Variants in REPS1 observed in about 807,000 individuals in gnomAD.
REPS1 encodes the protein ralBP1-associated Eps domain-containing protein 1.
In REPS1, 39 loss-of-function variants were observed where a neutral mutation model predicts 100.9. The observed-to-expected ratio is 0.39, with a 90% confidence interval of 0.30 to 0.50. REPS1 has a LOEUF of 0.50. Among genes scored for constraint, REPS1 ranks in the 20% least tolerant of loss-of-function variants. The probability of loss-of-function intolerance (pLI) is 0.86; values close to 1 mark genes in which losing one functional copy is unlikely to be tolerated. For synonymous variants in REPS1, 324 were observed against 340.3 expected (o/e 0.95, Z 0.53); for missense variants, 821 against 968.5 (o/e 0.85, Z 2.02).
At chr6:138,913,963 G>T (rs1339414653) in intron 15 of REPS1, among the ~76,000 whole-genome samples, 2 of 152,134 alleles carry the variant, frequency 1.3e-5, no homozygotes, top group East Asian at 3.8e-4. Flanking sequence ...TTTTATAAAT[G>T]TCTACTACAG....
At chr6:138,976,815 C>CTAATG in intron 1 of REPS1, among the ~76,000 whole-genome samples, 1 of 152,224 alleles carries the variant, frequency 6.6e-6, no homozygotes, top group African/African-American at 2.4e-5. Context: ...TAGCTTGATG[C>CTAATG]TAATGTAATG....
chr6:138,930,658 T>C (rs1038093816), intron 8 of REPS1, among the ~76,000 whole-genome samples: 7 of 152,164 alleles, frequency 4.6e-5, no homozygotes, highest in African/African-American at 1.4e-4. Context: ...CCTTGGAATA[T>C]ACTTTGGGAA....
intron 16 of REPS1, chr6:138,912,555 G>A (rs1780078335): frequency 1.7e-6 from 1 of 573,126 alleles, no homozygotes; most frequent in Non-Finnish European, 3.1e-6. Context: ...CTTTGCATGT[G>A]ATATCAATCC....
At chr6:138,947,962 C>G (rs1382705206) in intron 1 of REPS1, 49 bp from the exon 2 acceptor site, 1 of 1,510,654 alleles carries the variant, frequency 6.6e-7, no homozygotes, top group African/African-American at 1.4e-5. Context: ...AAAAATCTCC[C>G]TTCAAAAATA....
intron 19 of REPS1, among the ~76,000 whole-genome samples, chr6:138,905,586 C>T (rs1230985756): frequency 7.2e-5 from 11 of 151,928 alleles, no homozygotes; most frequent in South Asian, 4.1e-4. Context: ...CCACCGCGCC[C>T]GGCTGAAATG....
At chr6:138,907,270 G>T in intron 19 of REPS1, 1 of 341,368 alleles carries the variant, frequency 2.9e-6, no homozygotes, top group Non-Finnish European at 5.4e-6. Context: ...CAGGTTGCCA[G>T]GGTGATAGAG....
At chr6:138,986,453 A>T (rs568970745) in intron 1 of REPS1, among the ~76,000 whole-genome samples, 1 of 152,230 alleles carries the variant, frequency 6.6e-6, no homozygotes, top group South Asian at 2.1e-4. Flanking sequence ...CATTCTGTGG[A>T]TGAACATACT....
At chr6:138,987,452 A>C in intron 1 of REPS1, 78 bp downstream of exon 1, 1 of 1,346,400 alleles carries the variant, frequency 7.4e-7, no homozygotes, top group Non-Finnish European at 9.8e-7. Context: ...GGCCCCAAGG[A>C]ATCGGCGCCC....
intron 1 of REPS1, among the ~76,000 whole-genome samples, chr6:138,964,367 T>C (rs981793818): frequency 2.0e-5 from 3 of 152,180 alleles, no homozygotes; most frequent in African/African-American, 7.2e-5. Context: ...TGTTATGATG[T>C]TGACGTAATG....
intron 19 of REPS1, 89 bp from the exon 20 acceptor site, chr6:138,905,221 TA>T: frequency 1.3e-6 from 1 of 798,416 alleles, no homozygotes; most frequent in Non-Finnish European, 2.1e-6. Flanking sequence ...GAAAACAATT[TA>T]AATTTGTCAA....
chr6:138,948,039 C>A, intron 1 of REPS1, 126 bp from the exon 2 acceptor site: 1 of 696,410 alleles, frequency 1.4e-6, no homozygotes. Flanking sequence ...ATACTCACAA[C>A]TGACAACCAA....
At chr6:138,931,015 C>T (rs1781451843) in intron 8 of REPS1, among the ~76,000 whole-genome samples, 2 of 152,186 alleles carry the variant, frequency 1.3e-5, no homozygotes, top group African/African-American at 4.8e-5. Flanking sequence ...ACTCTCATTC[C>T]GATTCTTCCA....
chr6:138,905,483 G>C (rs1779580041), intron 19 of REPS1, among the ~76,000 whole-genome samples: 1 of 146,556 alleles, frequency 6.8e-6, no homozygotes, highest in Non-Finnish European at 1.5e-5. Flanking sequence ...AGTAGAGACG[G>C]GGTTTCACCT....
chr6:138,907,340 G>GTGTGTGTGTGTGT (rs1562506396), intron 19 of REPS1, 155 bp downstream of exon 19: 531 of 490,158 alleles, frequency 1.1e-3, no homozygotes, highest in Admixed American at 1.8e-3. Context: ...GTGTGTGTGT[G>GTGTGTGTGTGTGT]GCGGGGAGGG....
At chr6:138,959,993 C>A (rs958926678) in intron 1 of REPS1, among the ~76,000 whole-genome samples, 1 of 151,116 alleles carries the variant, frequency 6.6e-6, no homozygotes, top group Non-Finnish European at 1.5e-5. Flanking sequence ...CTAGACAGAA[C>A]TTCAACCGTG....
chr6:138,910,248 G>C (rs1457059666), intron 17 of REPS1, among the ~76,000 whole-genome samples: 1 of 152,170 alleles, frequency 6.6e-6, no homozygotes, highest in Admixed American at 6.5e-5. Context: ...TGACACACCG[G>C]CTCCCACTTT....
intron 8 of REPS1, among the ~76,000 whole-genome samples, chr6:138,939,503 T>C (rs1554290224): frequency 6.6e-6 from 1 of 152,132 alleles, no homozygotes; most frequent in Non-Finnish European, 1.5e-5. Context: ...AAGGAAAAAT[T>C]AAATATATGC....
At chr6:138,966,663 C>T (rs894483489) in intron 1 of REPS1, among the ~76,000 whole-genome samples, 1 of 152,134 alleles carries the variant, frequency 6.6e-6, no homozygotes, top group African/African-American at 2.4e-5. Context: ...GTACATTCAT[C>T]TAATAAGCTG....
At chr6:138,980,045 C>T (rs1322990041) in intron 1 of REPS1, among the ~76,000 whole-genome samples, 1 of 152,160 alleles carries the variant, frequency 6.6e-6, no homozygotes, top group African/African-American at 2.4e-5. Flanking sequence ...ACAATCCCCC[C>T]CAAAATCCAC....
Sources: allele counts gnomAD v4.1 joint callset (sites outside exome capture counted in the v4.1 genomes callset), GRCh38; gene constraint gnomAD v4.1.1; transcripts MANE v1.5; gene names NCBI Gene and HGNC (gene_info 2026-07-23, HGNC 2026-07-21).